The following SUMF1 variants were observed in gnomAD, a reference collection of about 807,000 sequenced individuals.
SUMF1 encodes the protein sulfatase modifying factor 1.
Under a neutral mutation model 47.6 loss-of-function variants are expected in SUMF1, and 48 were observed. That is an observed-to-expected ratio of 1.01 (90% confidence interval 0.80 to 1.28). The LOEUF (loss-of-function observed/expected upper bound fraction) is 1.28. Among genes scored for constraint, SUMF1 ranks in the 50% most tolerant of loss-of-function variants. The probability of loss-of-function intolerance (pLI) is 0.00; values close to 1 mark genes in which losing one functional copy is unlikely to be tolerated. For synonymous variants in SUMF1, 230 were observed against 192.1 expected (o/e 1.20, Z -1.63); for missense variants, 571 against 485.4 (o/e 1.18, Z -1.66).
intron 1 of SUMF1, among the ~76,000 whole-genome samples, chr3:4,453,744 G>C (rs1186489358): frequency 6.6e-6 from 1 of 151,984 alleles, no homozygotes; most frequent in Non-Finnish European, 1.5e-5. Flanking sequence ...AAGTTGGCCA[G>C]GCTGGTCTTG....
chr3:4,099,131 A>G (rs1692972995), intron 8 of SUMF1, among the ~76,000 whole-genome samples: 1 of 152,142 alleles, frequency 6.6e-6, no homozygotes, highest in Non-Finnish European at 1.5e-5. Context: ...TGGCTTGGGT[A>G]TAATCTGCTG....
rs35731250 is a variant in SUMF1, at chr3:4,411,705, G to GAAAA, written c.841-731_841-728dup. 2.1e-4 allele frequency among the ~76,000 whole-genome samples: 24 copies of GAAAA among 114,234 alleles called. 1 individual carries two copies. Among genetic ancestry groups the GAAAA allele is most frequent in the African/African-American group, 5.7e-4 (18 of 31,550 alleles). 74.9% of individuals were successfully genotyped at this position (114,234 alleles called of 152,430 possible). On this transcript the variant is annotated intron_variant, in intron 6 of 8. Transcript: ENST00000272902. Reference sequence around the variant, plus strand: ...TTTATAAAAGGGGGGAGAGCAGGAGGAAAAAAAAAAAAAAAAAACTTTAAC... The same window carrying GAAAA: ...TTTATAAAAGGGGGGAGAGCAGGAGGAAAAAAAAAAAAAAAAAAAAAACTTTAAC...
At chr3:4,350,449 G>A (rs1340859727) in intron 8 of SUMF1, among the ~76,000 whole-genome samples, 1 of 151,716 alleles carries the variant, frequency 6.6e-6, no homozygotes, top group Non-Finnish European at 1.5e-5. Flanking sequence ...TTGTAAATAC[G>A]TTTTTAAAAG....
At chr3:4,106,091 T>C (rs1340045904) in intron 8 of SUMF1, among the ~76,000 whole-genome samples, 2 of 152,008 alleles carry the variant, frequency 1.3e-5, no homozygotes, top group East Asian at 1.9e-4. Flanking sequence ...CTTTTCACTA[T>C]AATAAACAAT....
At chr3:4,441,265 T>A (rs1702578181) in intron 3 of SUMF1, among the ~76,000 whole-genome samples, 1 of 152,200 alleles carries the variant, frequency 6.6e-6, no homozygotes. Flanking sequence ...TGGCTCCTTG[T>A]AAGAATCTAA....
At chr3:4,077,902 A>G (rs557860261) in intron 8 of SUMF1, among the ~76,000 whole-genome samples, 1 of 152,258 alleles carries the variant, frequency 6.6e-6, no homozygotes, top group East Asian at 1.9e-4. Context: ...CTAAATAGTA[A>G]GTAAAAAGAC....
At chr3:4,166,861 G>A (rs1400215851) in intron 8 of SUMF1, among the ~76,000 whole-genome samples, 1 of 152,084 alleles carries the variant, frequency 6.6e-6, no homozygotes, top group East Asian at 1.9e-4. Flanking sequence ...GCAAACCAAT[G>A]CTTCCAACTC....
At chr3:4,076,030 C>T (rs915840669) in intron 8 of SUMF1, among the ~76,000 whole-genome samples, 7 of 151,996 alleles carry the variant, frequency 4.6e-5, no homozygotes, top group African/African-American at 1.7e-4. Context: ...CCCACATTGC[C>T]AAGACAATCC....
At chr3:4,287,486 T>G (rs945487627) in intron 8 of SUMF1, among the ~76,000 whole-genome samples, 1 of 152,204 alleles carries the variant, frequency 6.6e-6, no homozygotes, top group African/African-American at 2.4e-5. Context: ...CTTCTAACTT[T>G]GGAATCAGAT....
intron 8 of SUMF1, among the ~76,000 whole-genome samples, chr3:4,333,042 C>T (rs934127581): frequency 6.6e-6 from 1 of 152,190 alleles, no homozygotes. Context: ...CCCTATCCAG[C>T]TCCCCATCCA....
At chr3:4,451,494 C>T (rs1559308527) in intron 2 of SUMF1, among the ~76,000 whole-genome samples, 1 of 152,024 alleles carries the variant, frequency 6.6e-6, no homozygotes, top group Non-Finnish European at 1.5e-5. Context: ...ACTTTTGTAC[C>T]AACTTATAAC....
At chr3:4,304,744 G>T (rs1698116038) in intron 8 of SUMF1, among the ~76,000 whole-genome samples, 1 of 152,174 alleles carries the variant, frequency 6.6e-6, no homozygotes, top group Non-Finnish European at 1.5e-5. Flanking sequence ...AGCTTTCAAA[G>T]ATGTCAAGGA....
At chr3:4,200,159 G>A (rs549391309) in intron 8 of SUMF1, among the ~76,000 whole-genome samples, 2 of 149,880 alleles carry the variant, frequency 1.3e-5, no homozygotes, top group East Asian at 2.0e-4. Context: ...CATATGGTGT[G>A]AGGTAAGCAT....
At chr3:4,363,410 T>G (rs1445836778) in intron 8 of SUMF1, among the ~76,000 whole-genome samples, 1 of 152,100 alleles carries the variant, frequency 6.6e-6, no homozygotes, top group East Asian at 1.9e-4. Flanking sequence ...GAGCAGTGGT[T>G]TGTAGTTCTC....
At chr3:4,121,515 C>T (rs1047920836) in intron 8 of SUMF1, among the ~76,000 whole-genome samples, 1 of 152,014 alleles carries the variant, frequency 6.6e-6, no homozygotes, top group Admixed American at 6.6e-5. Context: ...TAAGGTAGAC[C>T]TTCTTTTTTT....
chr3:4,197,370 G>C (rs1446554673), intron 8 of SUMF1, among the ~76,000 whole-genome samples: 7 of 152,206 alleles, frequency 4.6e-5, no homozygotes, highest in African/African-American at 1.4e-4. Flanking sequence ...CAAAGTGCTG[G>C]GATTACAGGT....
chr3:4,281,690 A>G (rs1575049799), intron 8 of SUMF1, among the ~76,000 whole-genome samples: 6 of 152,242 alleles, frequency 3.9e-5, no homozygotes, highest in South Asian at 4.1e-4. Context: ...CTTTTGGGGG[A>G]AAAAACAGGG....
chr3:4,085,098 C>G (rs1692643778), intron 8 of SUMF1, among the ~76,000 whole-genome samples: 1 of 152,070 alleles, frequency 6.6e-6, no homozygotes, highest in Non-Finnish European at 1.5e-5. Context: ...GTGGGCCAAC[C>G]ATTCAGGTAA....
At chr3:4,182,165 G>A (rs549174623) in intron 8 of SUMF1, among the ~76,000 whole-genome samples, 7 of 152,048 alleles carry the variant, frequency 4.6e-5, no homozygotes, top group Non-Finnish European at 7.4e-5. Context: ...CTTAATACAA[G>A]GTGTAAATAA....
Sources: gnomAD v4.1 joint callset for allele counts (sites outside exome capture counted in the v4.1 genomes callset) on GRCh38, gnomAD v4.1.1 for gene constraint, MANE v1.5 for transcripts, NCBI Gene and HGNC (gene_info 2026-07-23, HGNC 2026-07-21) for gene names.